TMCC1: variants seen among roughly 807,000 people sequenced by gnomAD.
TMCC1 encodes the protein transmembrane and coiled-coil domain family 1.
Under a neutral mutation model 52.4 loss-of-function variants are expected in TMCC1, and 15 were observed. The observed-to-expected ratio is 0.29, with a 90% CI of 0.19 to 0.44. The LOEUF is 0.44. Among genes scored for constraint, TMCC1 ranks in the 20% least tolerant of loss-of-function variants. TMCC1 has a pLI of 1.00. For synonymous variants in TMCC1, 279 were observed against 301.9 expected (o/e 0.92, Z 0.79); for missense variants, 503 against 806.0 (o/e 0.62, Z 4.55).
At chr3:129,845,117 G>T (rs941607410) in intron 2 of TMCC1, among the ~76,000 whole-genome samples, 3 of 151,910 alleles carry the variant, frequency 2.0e-5, no homozygotes. Flanking sequence ...GATCCCAGGC[G>T]ATGGAAGCTG....
Position 129,893,701 on chromosome 3 carries a change from C to A in TMCC1, c.-642G>T. Reference sequence around the variant, plus strand: ...TCAGCCCCGGCGCGGGAGGGCGAACCGGCGCGAGAGAGCGAGCGCGCGCGC... The same window carrying A: ...TCAGCCCCGGCGCGGGAGGGCGAACAGGCGCGAGAGAGCGAGCGCGCGCGC... On this transcript the variant is annotated 5_prime_UTR_variant, in exon 1 of 7. Coordinates refer to ENST00000393238, the MANE Select transcript of TMCC1 (RefSeq NM_001017395.5). The A allele has an allele frequency of 6.7e-6, 1 of 149,606 alleles. No individual in the cohort carries two copies. Among genetic ancestry groups the A allele is most frequent in the East Asian group, 2.0e-4 (1 of 5,118 alleles). 9.3% of individuals were successfully genotyped at this position (149,606 alleles called of 1,614,324 possible). A position where few individuals can be genotyped will look rare whatever the true frequency, so the allele number is the denominator to read the frequency against.
chr3:129,846,759 T>G (rs1204260193), intron 2 of TMCC1, among the ~76,000 whole-genome samples: 2 of 150,388 alleles, frequency 1.3e-5, no homozygotes, highest in East Asian at 3.9e-4. Flanking sequence ...CCAGGCATAG[T>G]GGCTCAAGCC....
At chr3:129,774,674 G>C (rs2054880415) in intron 4 of TMCC1, among the ~76,000 whole-genome samples, 1 of 152,188 alleles carries the variant, frequency 6.6e-6, no homozygotes, top group African/African-American at 2.4e-5. Context: ...GGGACCTTAG[G>C]AGTTTCTTTT....
chr3:129,876,693 G>C (rs185830027), intron 2 of TMCC1, among the ~76,000 whole-genome samples: 1 of 152,084 alleles, frequency 6.6e-6, no homozygotes, highest in Admixed American at 6.5e-5. Flanking sequence ...GGTGGCTCAC[G>C]CCTGTAATCC....
intron 4 of TMCC1, among the ~76,000 whole-genome samples, chr3:129,672,237 C>T (rs1237596614): frequency 6.6e-6 from 1 of 152,124 alleles, no homozygotes; most frequent in Non-Finnish European, 1.5e-5. Flanking sequence ...AAAAATCCTT[C>T]AGTAGGTCAT....
chr3:129,723,633 C>T (rs2049835048), intron 4 of TMCC1, among the ~76,000 whole-genome samples: 1 of 152,158 alleles, frequency 6.6e-6, no homozygotes, highest in Admixed American at 6.6e-5. Context: ...AGAGACGGGA[C>T]ACTCCAGGAT....
chr3:129,867,843 T>A (rs1353887090), intron 2 of TMCC1, among the ~76,000 whole-genome samples: 1 of 152,190 alleles, frequency 6.6e-6, no homozygotes, highest in Non-Finnish European at 1.5e-5. Flanking sequence ...ATTCTAAAGA[T>A]GACGACAGAT....
chr3:129,836,643 A>G (rs1027177183), intron 2 of TMCC1, among the ~76,000 whole-genome samples: 13 of 152,220 alleles, frequency 8.5e-5, no homozygotes, highest in Non-Finnish European at 1.6e-4. Flanking sequence ...ACAGGCACCT[A>G]AAAGCCTTGT....
intron 2 of TMCC1, among the ~76,000 whole-genome samples, chr3:129,853,630 C>T (rs2060012595): frequency 7.5e-6 from 1 of 133,056 alleles, no homozygotes; most frequent in Non-Finnish European, 1.5e-5. Context: ...ATGCACACCC[C>T]ACCTCAAAAA....
intron 2 of TMCC1, among the ~76,000 whole-genome samples, chr3:129,861,354 C>T (rs2060388016): frequency 1.3e-5 from 2 of 152,006 alleles, no homozygotes; most frequent in South Asian, 2.1e-4. Context: ...GCAGGAGAAT[C>T]GCTCGAACCT....
intron 4 of TMCC1, among the ~76,000 whole-genome samples, chr3:129,696,842 A>T (rs1046549690): frequency 4.6e-5 from 7 of 152,164 alleles, no homozygotes; most frequent in Admixed American, 2.0e-4. Flanking sequence ...CTCCAAAATG[A>T]TCTCCTTTGA....
At chr3:129,667,663 C>T (rs969573411) in intron 5 of TMCC1, among the ~76,000 whole-genome samples, 2 of 152,158 alleles carry the variant, frequency 1.3e-5, no homozygotes, top group African/African-American at 4.8e-5. Context: ...CTGCTCATTA[C>T]CTCCTAAATG....
intron 4 of TMCC1, among the ~76,000 whole-genome samples, chr3:129,709,844 T>A (rs2048532965): frequency 6.6e-6 from 1 of 152,070 alleles, no homozygotes; most frequent in Non-Finnish European, 1.5e-5. Flanking sequence ...ACGATGTCTA[T>A]CTAGCAATAG....
intron 4 of TMCC1, among the ~76,000 whole-genome samples, chr3:129,821,756 G>T (rs2058435055): frequency 6.6e-6 from 1 of 152,110 alleles, no homozygotes; most frequent in South Asian, 2.1e-4. Context: ...TATTTAACCA[G>T]CCATCTCACT....
intron 4 of TMCC1, among the ~76,000 whole-genome samples, chr3:129,735,647 T>TA (rs55678236): frequency 0.74 from 100,113 of 134,598 alleles, 39,802 homozygotes; most frequent in Non-Finnish European, 0.89. Context: ...AAGACTCTCT[T>TA]AAAAAAAAAA....
intron 3 of TMCC1, among the ~76,000 whole-genome samples, chr3:129,829,721 T>G (rs758709010): frequency 6.6e-6 from 1 of 152,176 alleles, no homozygotes; most frequent in Admixed American, 6.6e-5. Flanking sequence ...ATGGTGCTCC[T>G]GTTCTGGGAA....
At chr3:129,832,331 A>G (rs1577021291) in intron 3 of TMCC1, among the ~76,000 whole-genome samples, 1 of 152,168 alleles carries the variant, frequency 6.6e-6, no homozygotes, top group African/African-American at 2.4e-5. Context: ...GAGCAAAAGG[A>G]CACAGGAAAA....
At chr3:129,745,294 T>C (rs2051834892) in intron 4 of TMCC1, among the ~76,000 whole-genome samples, 1 of 152,222 alleles carries the variant, frequency 6.6e-6, no homozygotes, top group South Asian at 2.1e-4. Context: ...TTATAAAACA[T>C]TTTGTTGTCA....
chr3:129,851,768 G>A (rs1413642765), intron 2 of TMCC1, among the ~76,000 whole-genome samples: 1 of 152,170 alleles, frequency 6.6e-6, no homozygotes, highest in Non-Finnish European at 1.5e-5. Flanking sequence ...GCAAGGCCTC[G>A]AAGAGATACC....
Sources: gnomAD v4.1 joint callset for allele counts (sites outside exome capture counted in the v4.1 genomes callset) on GRCh38, gnomAD v4.1.1 for gene constraint, MANE v1.5 for transcripts, NCBI Gene and HGNC (gene_info 2026-07-23, HGNC 2026-07-21) for gene names.